Variants in KIRREL1 observed in about 807,000 individuals in gnomAD.
The protein encoded by KIRREL1 is kirre like nephrin family adhesion molecule 1.
Under a neutral mutation model 83.3 loss-of-function variants are expected in KIRREL1, and 25 were observed. The ratio of observed to expected loss-of-function variants is 0.30; its 90% CI spans 0.22 to 0.42. KIRREL1 has a LOEUF of 0.42. Ranked by LOEUF, KIRREL1 falls within the 10% of genes least tolerant of loss-of-function variation. KIRREL1 has a pLI of 1.00. For synonymous variants in KIRREL1, 388 were observed against 410.4 expected (o/e 0.95, Z 0.66); for missense variants, 812 against 1,032.3 (o/e 0.79, Z 2.92).
rs1662417993 is a variant in KIRREL1 at position 158,098,754 on chromosome 1, CT to C, written c.*3636del. Reference sequence around the variant, plus strand: ...GTGCTGTGCTGTTATCACTGTCTTGCTTGGAATGAAAACATCTGAGCACCCT... The same window carrying C: ...GTGCTGTGCTGTTATCACTGTCTTGCTGGAATGAAAACATCTGAGCACCCT... On this transcript the variant is annotated 3_prime_UTR_variant, in exon 15 of 15. Coordinates refer to ENST00000359209, the MANE Select transcript of KIRREL1 (RefSeq NM_018240.7). The C allele has an allele frequency of 6.6e-6, 1 of 152,200 alleles. No homozygotes were observed. The highest frequency in any genetic ancestry group is 2.4e-5 in the African/African-American group (1 of 41,438). The allele number at this position is 152,200 out of a possible 1,614,324, so 9.4% of individuals were successfully genotyped here.
chr1:158,002,565 T>G (rs1327320901), intron 1 of KIRREL1, among the ~76,000 whole-genome samples: 3 of 152,252 alleles, frequency 2.0e-5, no homozygotes, highest in Non-Finnish European at 2.9e-5. Flanking sequence ...ATGGCTGTGC[T>G]GGGCCTAGGC....
intron 1 of KIRREL1, among the ~76,000 whole-genome samples, chr1:158,064,719 G>T (rs1661314436): frequency 6.6e-6 from 1 of 152,094 alleles, no homozygotes; most frequent in Non-Finnish European, 1.5e-5. Flanking sequence ...GGGGTCTGGG[G>T]ACACACCTGT....
At chr1:157,999,317 T>C (rs1239038301) in intron 1 of KIRREL1, among the ~76,000 whole-genome samples, 1 of 152,198 alleles carries the variant, frequency 6.6e-6, no homozygotes, top group African/African-American at 2.4e-5. Context: ...GCCTCAATCC[T>C]TTTCCTCCCA....
At chr1:158,057,348 C>G (rs1661092980) in intron 1 of KIRREL1, among the ~76,000 whole-genome samples, 1 of 152,220 alleles carries the variant, frequency 6.6e-6, no homozygotes, top group South Asian at 2.1e-4. Flanking sequence ...CTCAGAGCCA[C>G]TAACCCTTTA....
chr1:158,012,871 A>G (rs758420017), intron 1 of KIRREL1, among the ~76,000 whole-genome samples: 18 of 152,256 alleles, frequency 1.2e-4, no homozygotes, highest in Non-Finnish European at 2.4e-4. Context: ...TGACTTGCTT[A>G]AGCTGGACAC....
chr1:158,096,945 C>T lies in KIRREL1; in HGVS notation c.*1825C>T. 1 of 456,808 alleles carries T rather than the reference C, an allele frequency of 2.2e-6. No individual in the cohort carries two copies. The highest frequency in any genetic ancestry group is 1.5e-5 in the South Asian group (1 of 64,566). The allele number at this position is 456,808 out of a possible 1,614,324, so 28.3% of individuals were successfully genotyped here. A position where few individuals can be genotyped will look rare whatever the true frequency, so the allele number is the denominator to read the frequency against. ...ATGCTTATCAGCCACAGGCCATTAC[C>T]ACCCTTATGGATGGGTCTGGGGGGC... On this transcript the variant is annotated 3_prime_UTR_variant, in exon 15 of 15. Transcript: ENST00000359209.
At chr1:157,998,327 A>T (rs541484994) in intron 1 of KIRREL1, among the ~76,000 whole-genome samples, 1 of 152,314 alleles carries the variant, frequency 6.6e-6, no homozygotes, top group East Asian at 1.9e-4. Flanking sequence ...GCAGAATGAG[A>T]ACTAGGAAGA....
intron 2 of KIRREL1, among the ~76,000 whole-genome samples, chr1:158,077,650 G>A (rs1214310673): frequency 1.1e-4 from 16 of 152,118 alleles, no homozygotes; most frequent in African/African-American, 3.9e-4. Flanking sequence ...CCACACACTC[G>A]CTCTCCCTCT....
Position 158,051,721 on chromosome 1 carries a change from A to G in KIRREL1, c.53-24392A>G, listed in dbSNP as rs1346199004. On this transcript the variant is annotated intron_variant, in intron 1 of 14. Coordinates refer to ENST00000359209, the MANE Select transcript of KIRREL1 (RefSeq NM_018240.7). The stretch of plus-strand genomic sequence containing the variant: ...ATCTTCTCTTCAGTGGGTCCCCATC[A>G]TCTACAAGATGAAGTTCATACTCCT... Among the ~76,000 whole-genome samples, 12 of 152,300 alleles carry G rather than the reference A, an allele frequency of 7.9e-5. No homozygotes were observed. In the South Asian group the frequency reaches 2.3e-3, roughly 29 times the overall value.
At chr1:158,075,754 T>A (rs1239739127) in intron 1 of KIRREL1, among the ~76,000 whole-genome samples, 1 of 152,182 alleles carries the variant, frequency 6.6e-6, no homozygotes, top group African/African-American at 2.4e-5. Context: ...AGCTCTGCCA[T>A]TAACTTGCCC....
intron 3 of KIRREL1, among the ~76,000 whole-genome samples, chr1:158,080,630 G>A (rs910042507): frequency 1.3e-5 from 2 of 152,092 alleles, no homozygotes; most frequent in African/African-American, 4.8e-5. Flanking sequence ...CAGCTGGAGG[G>A]GCTTTACACG....
rs143303568 is a variant in KIRREL1, at chr1:158,094,349, C to T, written c.1756C>T (p.Arg586Cys). 21 of 1,611,922 alleles carry T rather than the reference C, an allele frequency of 1.3e-5. No homozygotes were observed. Among genetic ancestry groups the T allele is most frequent in the Middle Eastern group, 1.7e-4 (1 of 6,060 alleles). ...TGATGTGGATCTGAAGCAGGACCTG[C>T]GCTGCGACACCATCGACACCCGGGA... The part of the protein sequence containing the change: ...KDDVDLKQDL[R>C]CDTIDTREEY... Residue 586 changes from arginine to cysteine, a missense_variant, in exon 14 of 15, where the codon CGC becomes TGC. Around this residue, in one of 3 missense-constraint regions of KIRREL1, gnomAD observed 334 missense variants for 383.7 expected, o/e 0.87. Coordinates refer to ENST00000359209, the MANE Select transcript of KIRREL1 (RefSeq NM_018240.7). This position sits in a 1 kb window ranked among gnomAD's most constrained non-coding sequence, Gnocchi z 4.6.
In KIRREL1 at chr1:158,098,207, T is replaced by C. The variant is rs1320957406; in HGVS notation, c.*3087T>C. The C allele has an allele frequency of 6.6e-6, 1 of 152,242 alleles. No individual in the cohort carries two copies. The highest frequency in any genetic ancestry group is 1.9e-4 in the East Asian group (1 of 5,202). The allele number at this position is 152,242 out of a possible 1,614,324, so 9.4% of individuals were successfully genotyped here. A position where few individuals can be genotyped will look rare whatever the true frequency, so the allele number is the denominator to read the frequency against. On this transcript the variant is annotated 3_prime_UTR_variant, in exon 15 of 15. Transcript: ENST00000359209. ...CCTCAGAGTAAAATTGATGTGGGGC[T>C]ATCCTTTGGCTATCGGGTCATCTGT...
At chr1:158,023,199 G>A (rs533343960) in intron 1 of KIRREL1, among the ~76,000 whole-genome samples, 1 of 152,336 alleles carries the variant, frequency 6.6e-6, no homozygotes, top group South Asian at 2.1e-4. Flanking sequence ...GGTGGGGAGT[G>A]GCAGGAGAGA....
chr1:158,041,703 A>T (rs1660632614), intron 1 of KIRREL1, among the ~76,000 whole-genome samples: 1 of 152,138 alleles, frequency 6.6e-6, no homozygotes, highest in African/African-American at 2.4e-5. Flanking sequence ...TCCCAAAAGA[A>T]CCAGGTTCAA....
intron 1 of KIRREL1, among the ~76,000 whole-genome samples, chr1:158,075,863 C>T (rs1661663700): frequency 6.6e-6 from 1 of 152,160 alleles, no homozygotes; most frequent in African/African-American, 2.4e-5. Context: ...TAACAGTGCA[C>T]TATTTTCTGT....
chr1:158,087,901 A>C (rs3820676), intron 6 of KIRREL1, 41 bp downstream of exon 6: 549,916 of 1,606,912 alleles, frequency 0.34, 98,560 homozygotes, highest in African/African-American at 0.62. Flanking sequence ...GGGAGTGATA[A>C]GGAAGAGTTC....
intron 1 of KIRREL1, among the ~76,000 whole-genome samples, chr1:157,999,030 T>G (rs1659280784): frequency 1.3e-5 from 2 of 152,156 alleles, no homozygotes; most frequent in African/African-American, 4.8e-5. Context: ...ATGAGTGCCC[T>G]TCAGCCTGCC....
chr1:158,092,240 G>A (rs913376786), intron 11 of KIRREL1, among the ~76,000 whole-genome samples: 1 of 152,066 alleles, frequency 6.6e-6, no homozygotes, highest in Non-Finnish European at 1.5e-5. Flanking sequence ...GTCCAAGGAG[G>A]AAAAGATAGC....
Sources: gnomAD v4.1 joint callset for allele counts (sites outside exome capture counted in the v4.1 genomes callset) on GRCh38, gnomAD v4.1.1 for gene constraint, gnomAD v4.1.1 regional missense constraint, Gnocchi (gnomAD v3.1) non-coding constraint, MANE v1.5 for transcripts, NCBI Gene and HGNC (gene_info 2026-07-23, HGNC 2026-07-21) for gene names.